Variants in NKAIN2 observed in about 807,000 individuals in gnomAD.
NKAIN2 encodes sodium/potassium-transporting ATPase subunit beta-1-interacting protein 2.
Under a neutral mutation model 32.6 loss-of-function variants are expected in NKAIN2, and 14 were observed. The observed-to-expected ratio is 0.43, with a 90% CI of 0.28 to 0.67. The LOEUF is 0.67. Among genes scored for constraint, NKAIN2 ranks in the 30% least tolerant of loss-of-function variants. NKAIN2 has a pLI of 0.17. For synonymous variants in NKAIN2, 80 were observed against 87.2 expected (o/e 0.92, Z 0.46); for missense variants, 198 against 258.3 (o/e 0.77, Z 1.60).
At chr6:124,485,990 T>C (rs746782568) in intron 3 of NKAIN2, among the ~76,000 whole-genome samples, 2 of 152,212 alleles carry the variant, frequency 1.3e-5, no homozygotes, top group African/African-American at 2.4e-5. Context: ...GCCTTCGTCA[T>C]TGATTCTGAA....
At chr6:124,738,687 G>A (rs530081599) in intron 4 of NKAIN2, among the ~76,000 whole-genome samples, 2 of 151,872 alleles carry the variant, frequency 1.3e-5, no homozygotes, top group Admixed American at 1.3e-4. Flanking sequence ...CTAGACCATG[G>A]GAGTATAAAG....
chr6:124,552,610 C>A (rs963920696), intron 3 of NKAIN2, among the ~76,000 whole-genome samples: 1 of 152,178 alleles, frequency 6.6e-6, no homozygotes, highest in Non-Finnish European at 1.5e-5. Context: ...CCCAATATTA[C>A]ACAGCTAGTG....
intron 1 of NKAIN2, among the ~76,000 whole-genome samples, chr6:124,101,082 T>C (rs148123913): frequency 6.6e-6 from 1 of 152,312 alleles, no homozygotes; most frequent in East Asian, 1.9e-4. Flanking sequence ...TACCCAACAA[T>C]GCATGGTAAA....
intron 1 of NKAIN2, among the ~76,000 whole-genome samples, chr6:123,837,584 C>T (rs910224001): frequency 2.0e-5 from 3 of 152,126 alleles, no homozygotes; most frequent in Non-Finnish European, 4.4e-5. Context: ...ACGAATGTAA[C>T]ACAGTTTATT....
At chr6:124,339,090 C>A (rs1195584373) in intron 2 of NKAIN2, among the ~76,000 whole-genome samples, 3 of 152,140 alleles carry the variant, frequency 2.0e-5, no homozygotes, top group African/African-American at 7.2e-5. Flanking sequence ...TGCCTGTAAT[C>A]CCAGCATTGT....
intron 1 of NKAIN2, among the ~76,000 whole-genome samples, chr6:123,988,870 TAA>T (rs1195533537): frequency 7.7e-6 from 1 of 130,066 alleles, no homozygotes. Flanking sequence ...ATTTGAACCT[TAA>T]GAGTGTGTGT....
chr6:123,902,072 A>G (rs764210409), intron 1 of NKAIN2, among the ~76,000 whole-genome samples: 1 of 152,234 alleles, frequency 6.6e-6, no homozygotes, highest in Non-Finnish European at 1.5e-5. Context: ...TTTATGGTCC[A>G]GAAATCTAGG....
At chr6:124,726,022 C>A (rs953205937) in intron 4 of NKAIN2, among the ~76,000 whole-genome samples, 2 of 152,192 alleles carry the variant, frequency 1.3e-5, no homozygotes, top group Admixed American at 6.5e-5. Flanking sequence ...CGGCACACCA[C>A]CAGATTATAT....
intron 1 of NKAIN2, among the ~76,000 whole-genome samples, chr6:124,125,215 G>T (rs1267154273): frequency 1.3e-5 from 2 of 152,042 alleles, no homozygotes; most frequent in African/African-American, 2.4e-5. Context: ...AGCTTTTCAG[G>T]ATTCAGTTTC....
chr6:124,808,038 C>T (rs1391447740), intron 5 of NKAIN2, among the ~76,000 whole-genome samples: 8 of 150,696 alleles, frequency 5.3e-5, no homozygotes, highest in African/African-American at 1.7e-4. Context: ...GATTCACAGC[C>T]AAATTCTACC....
intron 1 of NKAIN2, among the ~76,000 whole-genome samples, chr6:124,183,669 G>C (rs1241111393): frequency 6.6e-6 from 1 of 151,938 alleles, no homozygotes; most frequent in Admixed American, 6.6e-5. Context: ...AGTTTTCAAG[G>C]GTACATTTTA....
chr6:124,284,752 T>G (rs1303856034), intron 2 of NKAIN2, among the ~76,000 whole-genome samples: 1 of 151,956 alleles, frequency 6.6e-6, no homozygotes, highest in Non-Finnish European at 1.5e-5. Flanking sequence ...CAATAAATAT[T>G]AGCTATAATA....
intron 1 of NKAIN2, among the ~76,000 whole-genome samples, chr6:124,262,168 G>A (rs577262993): frequency 5.3e-5 from 8 of 152,222 alleles, no homozygotes; most frequent in Admixed American, 1.3e-4. Flanking sequence ...GTACTTAGGC[G>A]ACTTTCTTAT....
chr6:124,688,279 A>G (rs116989040), intron 4 of NKAIN2, among the ~76,000 whole-genome samples: 2,202 of 152,124 alleles, frequency 0.014, 23 homozygotes, highest in Middle Eastern at 0.027. Context: ...TTTTTGAGCC[A>G]TTCCTTTTTC....
At chr6:124,670,032 G>C (rs1197652179) in intron 4 of NKAIN2, among the ~76,000 whole-genome samples, 1 of 152,000 alleles carries the variant, frequency 6.6e-6, no homozygotes. Flanking sequence ...ATGTAGGTTG[G>C]TGCAAAAGTA....
chr6:124,806,140 A>G (rs9321007), intron 5 of NKAIN2, among the ~76,000 whole-genome samples: 60,131 of 151,816 alleles, frequency 0.4, 12,901 homozygotes, highest in East Asian at 0.61. Context: ...TACAGAGAAC[A>G]CCACAAAGAT....
At chr6:124,740,679 G>T (rs930095079) in intron 4 of NKAIN2, among the ~76,000 whole-genome samples, 1 of 151,866 alleles carries the variant, frequency 6.6e-6, no homozygotes, top group Non-Finnish European at 1.5e-5. Context: ...CAAGGGCAAA[G>T]TTCTGCAATG....
At chr6:124,802,410 G>A (rs557747973) in intron 5 of NKAIN2, among the ~76,000 whole-genome samples, 3 of 151,988 alleles carry the variant, frequency 2.0e-5, no homozygotes, top group Non-Finnish European at 4.4e-5. Flanking sequence ...ATTCTAACAG[G>A]GGAGAACAAA....
chr6:124,487,864 A>C (rs1268142541), intron 3 of NKAIN2, among the ~76,000 whole-genome samples: 1 of 152,100 alleles, frequency 6.6e-6, no homozygotes, highest in Non-Finnish European at 1.5e-5. Context: ...TATCTTCTCC[A>C]TAGGTCCATT....
Sources: allele counts gnomAD v4.1 joint callset (sites outside exome capture counted in the v4.1 genomes callset), GRCh38; gene constraint gnomAD v4.1.1; transcripts MANE v1.5; gene names NCBI Gene and HGNC (gene_info 2026-07-23, HGNC 2026-07-21).